The following VWCE variants were observed in gnomAD, a reference collection of about 807,000 sequenced individuals.
VWCE encodes von Willebrand factor C and EGF domain-containing protein.
Under a neutral mutation model 102.9 loss-of-function variants are expected in VWCE, and 68 were observed. The observed-to-expected ratio is 0.66, with a 90% CI of 0.54 to 0.81. The LOEUF (loss-of-function observed/expected upper bound fraction) is 0.81. Ranked by LOEUF, VWCE falls within the 30% of genes least tolerant of loss-of-function variation. The probability of loss-of-function intolerance (pLI) is 0.00; values close to 1 mark genes in which losing one functional copy is unlikely to be tolerated. For missense variants in VWCE, 1,137 were observed against 1,263.6 expected (o/e 0.90, Z 1.52); for synonymous variants, 497 against 515.4 (o/e 0.96, Z 0.48).
intron 5 of VWCE, among the ~76,000 whole-genome samples, chr11:61,283,972 A>C (rs1855228132): frequency 6.6e-6 from 1 of 152,222 alleles, no homozygotes; most frequent in Admixed American, 6.5e-5. Flanking sequence ...CAGCAGTTAA[A>C]AGGAACAAGG....
In VWCE at chr11:61,264,409, C is replaced by T. The variant is rs964117377; in HGVS notation, c.2230+78G>A. 5.6e-6 allele frequency: 8 copies of T among 1,417,124 alleles called. No individual in the cohort carries two copies. In the Admixed American group the frequency reaches 7.9e-5, roughly 14 times the overall value. 87.8% of individuals were successfully genotyped at this position (1,417,124 alleles called of 1,614,324 possible). A position where few individuals can be genotyped will look rare whatever the true frequency, so the allele number is the denominator to read the frequency against. On this transcript the variant is annotated intron_variant, in intron 19 of 19. Transcript: ENST00000335613. ...TGGCTTTCTCTTATCCAGCCCTTTA[C>T]AAGTTCTATGTACCGGGGAAGAAAA...
In VWCE at chr11:61,265,078, G is replaced by A. The variant is rs1854470761; in HGVS notation, c.2057-40C>T. On this transcript the variant is annotated intron_variant, in intron 17 of 19. Transcript: ENST00000335613. ...GAGACAGGAGCCCATGAGAGCCGAG[G>A]CCTGGCCGGGAACCTGGCACGTGGG... is the stretch of plus-strand genomic sequence containing the variant. 3.1e-6 allele frequency: 5 copies of A among 1,613,788 alleles called. No individual in the cohort carries two copies. The South Asian group carries it at 5.5e-5, about 18-fold the overall frequency.
rs1855327177 is a variant in VWCE, at chr11:61,286,415, A to C, written c.440T>G (p.Val147Gly). 1 of 1,612,474 alleles carries C rather than the reference A, an allele frequency of 6.2e-7. No homozygotes were observed. The highest frequency in any genetic ancestry group is 8.5e-7 in the Non-Finnish European group (1 of 1,179,994). ...ACAGTGGCCCTCGCAGGAGGAGGTT[A>C]CACATTCGTCAATGTCTGGAAAGAC... Reference protein sequence around the residue: ...GIRCTDIDECVTSSCEGHCVN... With the variant: ...GIRCTDIDECGTSSCEGHCVN... Residue 147 changes from valine to glycine, a missense_variant, in exon 5 of 20, where the codon GTA (valine) becomes GGA (glycine). Physicochemically the swap from Val to Gly is moderately radical, Grantham distance 109. This residue lies in a region of VWCE where 575 missense variants were observed against 625.9 expected (regional missense o/e 0.92). Coordinates refer to ENST00000335613, the MANE Select transcript of VWCE (RefSeq NM_152718.2).
rs1271056448 is a variant in VWCE at position 61,291,466 on chromosome 11, A to C, written c.205+16T>G. ...TGCTGGAGGAGAAGACTTGGGGCAC[A>C]GGGACAAGCACTTACGCAGGGTGCA... On this transcript the variant is annotated intron_variant, in intron 2 of 19. Transcript: ENST00000335613. 4 of 1,558,172 alleles carry C rather than the reference A, an allele frequency of 2.6e-6. No individual in the cohort carries two copies. Among genetic ancestry groups the C allele is most frequent in the Non-Finnish European group, 3.5e-6 (4 of 1,150,218 alleles).
At chr11:61,280,303 A>C (rs1056469243) in intron 9 of VWCE, among the ~76,000 whole-genome samples, 1 of 152,198 alleles carries the variant, frequency 6.6e-6, no homozygotes, top group African/African-American at 2.4e-5. Flanking sequence ...AAATGAGCGA[A>C]TGAAGCTGAA....
At position 61,259,138 on chromosome 11, in the gene VWCE, A is replaced by G. The variant is rs577368729; in HGVS notation, c.2405T>C (p.Leu802Pro). The stretch of plus-strand genomic sequence containing the variant: ...TGTTTTCATCAAGTTCGTTCTTAAA[A>G]GGAGCTGGAGGAGATGAAGCACCGG... Reference protein sequence around the residue: ...SRPVLHLLQLLLRTNLMKTQT... With the variant: ...SRPVLHLLQLPLRTNLMKTQT... The change falls in exon 20 of 20, where the codon CTT (leucine) becomes CCT (proline). Residue 802 changes from leucine (L) to proline (P), a missense_variant. Leu to Pro is a moderately conservative substitution (Grantham distance 98). This residue lies in a region of VWCE where 316 missense variants were observed against 319.3 expected (regional missense o/e 0.99). Transcript: ENST00000335613. 2.7e-5 allele frequency: 43 copies of G among 1,614,132 alleles called. No individual in the cohort carries two copies. The East Asian group carries it at 8.7e-4, about 33-fold the overall frequency.
rs371237392 is a variant in VWCE, at chr11:61,279,075, G to A, written c.1325-599C>T. Among the ~76,000 whole-genome samples, 6 of 151,442 alleles carry A rather than the reference G, an allele frequency of 4.0e-5. No homozygotes were observed. In the East Asian group the frequency reaches 9.7e-4, roughly 25 times the overall value. On this transcript the variant is annotated intron_variant, in intron 9 of 19. Transcript: ENST00000335613. ...AAAAACAAAAACAAAAAAAAAAACTGGCCATCCAGCTTCGTTAACCAGCGT... is the reference window on the plus strand; with the variant it reads ...AAAAACAAAAACAAAAAAAAAAACTAGCCATCCAGCTTCGTTAACCAGCGT...
Position 61,265,194 on chromosome 11 carries a change from A to G in VWCE, c.1984T>C (p.Ser662Pro). Residue 662 changes from serine to proline, a missense_variant, in exon 17 of 20, where the codon TCC (serine) becomes CCC (proline). Physicochemically the swap from Ser to Pro is moderately conservative, Grantham distance 74 (BLOSUM62 -1). This residue lies in a region of VWCE where 212 missense variants were observed against 235.1 expected (regional missense o/e 0.90). Transcript: ENST00000335613. ...CAGGTGATGGGGCAGTCCACGGGGG[A>G]ACAGGCCACTGAGCCCAGCTGCAGG... Reference protein sequence around the residue: ...CICLLGSVACSPVDCPITCTY... With the variant: ...CICLLGSVACPPVDCPITCTY... The G allele has an allele frequency of 6.7e-7, 1 of 1,497,604 alleles. No homozygotes were observed. The highest frequency in any genetic ancestry group is 1.4e-5 in the African/African-American group (1 of 71,998). The allele number at this position is 1,497,604 out of a possible 1,614,324, so 92.8% of individuals were successfully genotyped here.
chr11:61,291,228 A>G, intron 3 of VWCE, 36 bp downstream of exon 3: 2 of 1,522,084 alleles, frequency 1.3e-6, no homozygotes, highest in Non-Finnish European at 1.8e-6. Context: ...ATGCTCATTC[A>G]TCTGTTCCCA....
chr11:61,278,152 G>A (rs1012419375), intron 10 of VWCE, among the ~76,000 whole-genome samples: 1 of 152,150 alleles, frequency 6.6e-6, no homozygotes, highest in Non-Finnish European at 1.5e-5. Context: ...TAAACAGACG[G>A]ACCCTGTGTG....
At chr11:61,287,274 C>G (rs1421559967) in intron 4 of VWCE, among the ~76,000 whole-genome samples, 1 of 152,130 alleles carries the variant, frequency 6.6e-6, no homozygotes, top group Non-Finnish European at 1.5e-5. Flanking sequence ...AGGAAGGTCA[C>G]TGGCTATGAG....
rs564403956 is a variant in VWCE at position 61,281,744 on chromosome 11, G to C, written c.787+42C>G. The stretch of plus-strand genomic sequence containing the variant: ...GGGCGTAGCTGGGGCAGGCACTGAG[G>C]GGGCGTGGCCAGCCGCCGGGATGGA... On this transcript the variant is annotated intron_variant, in intron 7 of 19. Transcript: ENST00000335613. The C allele has an allele frequency of 1.8e-5, 29 of 1,577,216 alleles. 1 individual carries two copies. The highest frequency in any genetic ancestry group is 2.1e-4 in the Middle Eastern group (1 of 4,704).
chr11:61,280,781 C>T lies in VWCE; in HGVS notation c.1230+12G>A, dbSNP rs749370866. 2 of 1,607,866 alleles carry T rather than the reference C, an allele frequency of 1.2e-6. No homozygotes were observed. Among genetic ancestry groups the T allele is most frequent in the Non-Finnish European group, 8.5e-7 (1 of 1,176,898 alleles). On this transcript the variant is annotated intron_variant, in intron 8 of 19. Transcript: ENST00000335613. ...CCAGACCAAGGAAGCTCCGGGGACC[C>T]CTAGTACCCACCTCGCACCAGCACT...
chr11:61,277,956 T>C (rs1290430753), intron 10 of VWCE, among the ~76,000 whole-genome samples: 1 of 152,172 alleles, frequency 6.6e-6, no homozygotes, highest in Non-Finnish European at 1.5e-5. Context: ...CAGTAAGTGC[T>C]TAATAACTAT....
chr11:61,264,581 G>A lies in VWCE; in HGVS notation c.2140-4C>T, dbSNP rs779108625. 1.1e-5 allele frequency: 17 copies of A among 1,605,302 alleles called. No individual in the cohort carries two copies. The East Asian group carries it at 3.1e-4, about 30-fold the overall frequency. On this transcript the variant is annotated splice_region_variant and splice_polypyrimidine_tract_variant and intron_variant, in intron 18 of 19. Coordinates refer to ENST00000335613, the MANE Select transcript of VWCE (RefSeq NM_152718.2). ...TCTCACAGCTCACCTCTCCCAGCTG[G>A]GGAAGCAGAAGGAACCCCATGAGGA...
intron 10 of VWCE, among the ~76,000 whole-genome samples, chr11:61,278,080 T>C (rs1410506860): frequency 1.3e-5 from 2 of 152,206 alleles, no homozygotes; most frequent in Non-Finnish European, 2.9e-5. Context: ...ATATTTTGCC[T>C]GGAGAGAAAA....
chr11:61,283,407 TTTG>T (rs999017292), intron 5 of VWCE, among the ~76,000 whole-genome samples: 2 of 152,112 alleles, frequency 1.3e-5, no homozygotes, highest in African/African-American at 4.8e-5. Context: ...TAAATTCTTT[TTTG>T]TTGTTGTTGT....
chr11:61,281,311 G>T, intron 7 of VWCE, 76 bp from the exon 8 acceptor site: 2 of 1,537,866 alleles, frequency 1.3e-6, no homozygotes, highest in South Asian at 1.2e-5. Context: ...CCTGGGCTCG[G>T]CTCCACCACC....
intron 5 of VWCE, among the ~76,000 whole-genome samples, chr11:61,285,154 G>A (rs1402694285): frequency 6.6e-6 from 1 of 152,044 alleles, no homozygotes; most frequent in Non-Finnish European, 1.5e-5. Flanking sequence ...ATTTTATCAT[G>A]GCCGCCCAAG....
Sources: allele counts gnomAD v4.1 joint callset (sites outside exome capture counted in the v4.1 genomes callset), GRCh38; gene constraint gnomAD v4.1.1; regional missense constraint gnomAD v4.1.1; transcripts MANE v1.5; gene names NCBI Gene and HGNC (gene_info 2026-07-23, HGNC 2026-07-21).